ANKH: variants seen among roughly 807,000 people sequenced by gnomAD.
ANKH encodes the protein ANKH inorganic pyrophosphate transport regulator.
In ANKH, 15 loss-of-function variants were observed where a neutral mutation model predicts 49.0. That is an observed-to-expected ratio of 0.31 (90% CI 0.20 to 0.47). ANKH has a LOEUF of 0.47. ANKH is among the 20% of genes least tolerant of loss of function. The probability of loss-of-function intolerance (pLI) is 1.00; values close to 1 mark genes in which losing one functional copy is unlikely to be tolerated. For missense variants in ANKH, 429 were observed against 652.0 expected, an observed-to-expected ratio of 0.66 and a Z score of 3.72; for synonymous variants, 273 against 260.0, an observed-to-expected ratio of 1.05 and a Z score of -0.48.
intron 8 of ANKH, chr5:14,724,487 T>C (rs1238673272): frequency 2.2e-6 from 2 of 926,220 alleles, no homozygotes; most frequent in Non-Finnish European, 2.6e-6. Flanking sequence ...GGTCCCCCAA[T>C]AGGATCAGAA....
intron 1 of ANKH, among the ~76,000 whole-genome samples, chr5:14,790,495 G>A (rs1225200294): frequency 1.3e-5 from 2 of 152,246 alleles, no homozygotes; most frequent in Middle Eastern, 3.2e-3. Flanking sequence ...TTTGAAAAGG[G>A]AGAGAACATT....
chr5:14,835,994 T>A (rs912978784), intron 1 of ANKH, among the ~76,000 whole-genome samples: 1 of 152,184 alleles, frequency 6.6e-6, no homozygotes, highest in African/African-American at 2.4e-5. Flanking sequence ...ATCCATCACA[T>A]AAACAGAACC....
At chr5:14,756,002 G>A in intron 3 of ANKH, 58 bp from the exon 4 acceptor site, 1 of 1,473,056 alleles carries the variant, frequency 6.8e-7, no homozygotes, top group Non-Finnish European at 9.5e-7. Context: ...GCTGTTTCTG[G>A]TTGTTGAGAT....
chr5:14,800,117 T>C (rs553583821), intron 1 of ANKH, among the ~76,000 whole-genome samples: 19 of 152,282 alleles, frequency 1.2e-4, no homozygotes, highest in African/African-American at 4.6e-4. Flanking sequence ...TAACTGCAGA[T>C]GTGGTAGAAA....
chr5:14,794,204 C>T (rs946255795), intron 1 of ANKH, among the ~76,000 whole-genome samples: 7 of 152,238 alleles, frequency 4.6e-5, no homozygotes, highest in Admixed American at 1.3e-4. Flanking sequence ...TCTAGAGCAG[C>T]AGAGCCTATT....
intron 8 of ANKH, among the ~76,000 whole-genome samples, chr5:14,728,589 AC>A (rs1291784295): frequency 6.6e-6 from 1 of 152,142 alleles, no homozygotes; most frequent in Non-Finnish European, 1.5e-5. Flanking sequence ...TTTGTTCCAG[AC>A]AAAGGGTCAG....
intron 8 of ANKH, among the ~76,000 whole-genome samples, chr5:14,729,389 T>C (rs1189774981): frequency 6.6e-6 from 1 of 151,422 alleles, no homozygotes; most frequent in African/African-American, 2.4e-5. Flanking sequence ...GGTTTCACCA[T>C]GTTGGCCAGG....
intron 1 of ANKH, among the ~76,000 whole-genome samples, chr5:14,826,976 C>G (rs1270031365): frequency 1.3e-5 from 2 of 152,130 alleles, no homozygotes; most frequent in Non-Finnish European, 2.9e-5. Context: ...GAAGTCTGGT[C>G]TCCAAAAACT....
chr5:14,732,551 T>C (rs72732793), intron 8 of ANKH, among the ~76,000 whole-genome samples: 18,521 of 152,016 alleles, frequency 0.12, 1,399 homozygotes, highest in Non-Finnish European at 0.18. Flanking sequence ...TAGCTACTTA[T>C]GTATATGTGC....
chr5:14,809,098 C>T (rs1258261642), intron 1 of ANKH, among the ~76,000 whole-genome samples: 3 of 126,782 alleles, frequency 2.4e-5, no homozygotes, highest in Non-Finnish European at 3.3e-5. Flanking sequence ...AAAAACCAAA[C>T]ACCGCATATT....
At chr5:14,773,226 T>C (rs1377650919) in intron 1 of ANKH, among the ~76,000 whole-genome samples, 1 of 152,226 alleles carries the variant, frequency 6.6e-6, no homozygotes. Flanking sequence ...ATTGTTTACT[T>C]GTGCTTATTG....
chr5:14,823,791 G>C (rs1456366543), intron 1 of ANKH, among the ~76,000 whole-genome samples: 1 of 152,200 alleles, frequency 6.6e-6, no homozygotes, highest in African/African-American at 2.4e-5. Context: ...GCCAGGCATA[G>C]CGGCACATGC....
rs1736961267 is a variant in ANKH at position 14,706,862 on chromosome 5, T to TTTA, written c.*4334_*4335insTAA. On this transcript the variant is annotated 3_prime_UTR_variant, in exon 12 of 12. Coordinates refer to ENST00000284268, the MANE Select transcript of ANKH (RefSeq NM_054027.6). ...TTTCCTACGGTTTGAGTGCTTTATA[T>TTTA]GAGAGCCATCAGAGGACTGTGTGTG... 1 of 152,212 alleles carries TTTA rather than the reference T, an allele frequency of 6.6e-6. No individual in the cohort carries two copies. The highest frequency in any genetic ancestry group is 1.5e-5 in the Non-Finnish European group (1 of 68,044). The allele number at this position is 152,212 out of a possible 1,614,324, so 9.4% of individuals were successfully genotyped here. A position where few individuals can be genotyped will look rare whatever the true frequency, so the allele number is the denominator to read the frequency against.
chr5:14,866,091 C>A (rs533103349), intron 1 of ANKH, among the ~76,000 whole-genome samples: 3 of 152,356 alleles, frequency 2.0e-5, no homozygotes, highest in African/African-American at 7.2e-5. Context: ...ACTGCAACCT[C>A]CGCCTCCCAG....
intron 8 of ANKH, among the ~76,000 whole-genome samples, chr5:14,731,455 G>A (rs747205718): frequency 2.0e-4 from 31 of 152,210 alleles, no homozygotes; most frequent in East Asian, 7.8e-4. Flanking sequence ...AGAGCTGCCA[G>A]GGGCCGGGGG....
intron 3 of ANKH, among the ~76,000 whole-genome samples, chr5:14,756,381 AGGG>A (rs1289643045): frequency 1.3e-5 from 2 of 152,184 alleles, no homozygotes; most frequent in Admixed American, 1.3e-4. Context: ...CTGACTGATT[AGGG>A]CCTACTGTTT....
chr5:14,836,608 A>G (rs893040959), intron 1 of ANKH, among the ~76,000 whole-genome samples: 1 of 152,136 alleles, frequency 6.6e-6, no homozygotes, highest in Non-Finnish European at 1.5e-5. Context: ...ACTGCTCAAC[A>G]AAATAAAAGA....
At chr5:14,848,556 C>A (rs1742034505) in intron 1 of ANKH, among the ~76,000 whole-genome samples, 1 of 152,254 alleles carries the variant, frequency 6.6e-6, no homozygotes, top group African/African-American at 2.4e-5. Flanking sequence ...CGCAGACCCG[C>A]CGCTGACTTC....
chr5:14,818,102 G>A (rs185756095), intron 1 of ANKH, among the ~76,000 whole-genome samples: 1 of 145,092 alleles, frequency 6.9e-6, no homozygotes, highest in East Asian at 2.0e-4. Flanking sequence ...AAAACCCAAT[G>A]GCTAGGAGTA....
Sources: allele counts gnomAD v4.1 joint callset (sites outside exome capture counted in the v4.1 genomes callset), GRCh38; gene constraint gnomAD v4.1.1; transcripts MANE v1.5; gene names NCBI Gene and HGNC (gene_info 2026-07-23, HGNC 2026-07-21).